PPFIA4: variants seen among roughly 807,000 people sequenced by gnomAD.
The protein encoded by PPFIA4 is PPFI scaffold protein A4.
Under a neutral mutation model 145.7 loss-of-function variants are expected in PPFIA4, and 98 were observed. The ratio of observed to expected loss-of-function variants is 0.67; its 90% CI spans 0.57 to 0.80. The LOEUF is 0.80. PPFIA4 is among the 30% of genes least tolerant of loss of function. The pLI is 0.00. For synonymous variants in PPFIA4, 628 were observed against 649.6 expected, an observed-to-expected ratio of 0.97 and a Z score of 0.51; for missense variants, 1,457 against 1,632.7, an observed-to-expected ratio of 0.89 and a Z score of 1.85.
At chr1:203,037,267 G>GC in intron 1 of PPFIA4, 1 of 226,346 alleles carries the variant, frequency 4.4e-6, no homozygotes, top group Non-Finnish European at 9.8e-6. Context: ...GGCCTGTGCA[G>GC]TGTCTGACCT....
rs921203726 is a variant in PPFIA4, at chr1:203,059,289, G to C, written c.2501+18G>C. 7 of 1,474,420 alleles carry C rather than the reference G, an allele frequency of 4.7e-6. No homozygotes were observed. The African/African-American group carries it at 9.8e-5, about 21-fold the overall frequency. 91.3% of individuals were successfully genotyped at this position (1,474,420 alleles called of 1,614,324 possible). ...AAGAAGAAGTAAGAGCCACAGGCCA[G>C]GGTCTGCCAGGGTGGGGCCCAGCCC... On this transcript the variant is annotated intron_variant, in intron 20 of 29. Transcript: ENST00000295706.
intron 15 of PPFIA4, 31 bp downstream of exon 15, chr1:203,053,992 G>A (rs770390247): frequency 7.7e-6 from 12 of 1,548,720 alleles, no homozygotes; most frequent in Non-Finnish European, 1.0e-5. Context: ...CTTGGGAAGT[G>A]CATTGAAGGG....
intron 1 of PPFIA4, among the ~76,000 whole-genome samples, chr1:203,028,733 G>C (rs1187832061): frequency 6.6e-6 from 1 of 151,952 alleles, no homozygotes; most frequent in Non-Finnish European, 1.5e-5. Flanking sequence ...GACTGAGGGA[G>C]TGAAAGCTGC....
rs1372208750 is a variant in PPFIA4 at position 203,043,543 on chromosome 1, T to C, written c.336+45T>C. Reference sequence around the variant, plus strand: ...TGTCGCGCGCGCGCACGTGTGTGTGTGTGTGTATGGGGGTGTGTTGTGAAC... The same window carrying C: ...TGTCGCGCGCGCGCACGTGTGTGTGCGTGTGTATGGGGGTGTGTTGTGAAC... On this transcript the variant is annotated intron_variant, in intron 3 of 29. Coordinates refer to ENST00000295706, the MANE Select transcript of PPFIA4 (RefSeq NM_001304331.2). The surrounding 1 kb of genome is among the most constrained non-coding windows in gnomAD (Gnocchi z 4.4). 2.0e-6 allele frequency: 3 copies of C among 1,516,894 alleles called. No homozygotes were observed. Among genetic ancestry groups the C allele is most frequent in the African/African-American group, 1.4e-5 (1 of 72,528 alleles). The allele number at this position is 1,516,894 out of a possible 1,614,324, so 94.0% of individuals were successfully genotyped here. A position where few individuals can be genotyped will look rare whatever the true frequency, so the allele number is the denominator to read the frequency against.
chr1:203,065,336 G>A (rs1019057761), intron 25 of PPFIA4, among the ~76,000 whole-genome samples: 1 of 151,776 alleles, frequency 6.6e-6, no homozygotes, highest in African/African-American at 2.4e-5. Flanking sequence ...AAATCAGCTA[G>A]GGCTGAAAAG....
rs914027076 is a variant in PPFIA4 at position 203,075,896 on chromosome 1, C to G, written c.3574+139C>G. The G allele has an allele frequency of 5.6e-6, 5 of 898,574 alleles. No homozygotes were observed. Among genetic ancestry groups the G allele is most frequent in the African/African-American group, 5.3e-5 (3 of 56,588 alleles). 55.7% of individuals were successfully genotyped at this position (898,574 alleles called of 1,614,324 possible). A position where few individuals can be genotyped will look rare whatever the true frequency, so the allele number is the denominator to read the frequency against. On this transcript the variant is annotated intron_variant, in intron 29 of 29. Transcript: ENST00000295706. The surrounding 1 kb of genome is among the most constrained non-coding windows in gnomAD (Gnocchi z 4.1). ...CTCCTGCGCTGCAGCTGCACTAACG[C>G]TCCGCGGGGAGCGTGTGTGCGCACT...
chr1:203,027,597 T>G (rs535243895), intron 1 of PPFIA4, among the ~76,000 whole-genome samples: 1 of 152,252 alleles, frequency 6.6e-6, no homozygotes, highest in South Asian at 2.1e-4. Flanking sequence ...AAGGGTCCCC[T>G]CCAGGAGCCA....
rs1273044046 is a variant in PPFIA4 at position 203,060,762 on chromosome 1, T to C, written c.2785-208T>C. Among the ~76,000 whole-genome samples the C allele has an allele frequency of 6.6e-6, 1 of 152,296 alleles. No individual in the cohort carries two copies. The highest frequency in any genetic ancestry group is 1.9e-4 in the East Asian group (1 of 5,186). On this transcript the variant is annotated intron_variant, in intron 22 of 29. Coordinates refer to ENST00000295706, the MANE Select transcript of PPFIA4 (RefSeq NM_001304331.2). The surrounding 1 kb of genome is among the most constrained non-coding windows in gnomAD (Gnocchi z 4.8). ...AAGGGAAGAGGGCATTTGTGAATAT[T>C]GTCTTGGTCCTCTAACACAAGAATG... is the stretch of plus-strand genomic sequence containing the variant.
At chr1:203,057,503 A>T in intron 19 of PPFIA4, among the ~76,000 whole-genome samples, 1 of 152,240 alleles carries the variant, frequency 6.6e-6, no homozygotes, top group East Asian at 1.9e-4. Context: ...TGTGGTGAGT[A>T]CACGTTAAAT....
chr1:203,039,156 A>G lies in PPFIA4; in HGVS notation c.148A>G (p.Thr50Ala), dbSNP rs1659512749. The G allele has an allele frequency of 1.2e-6, 2 of 1,607,636 alleles. No homozygotes were observed. The highest frequency in any genetic ancestry group is 8.5e-7 in the Non-Finnish European group (1 of 1,177,542). The part of the protein sequence containing the change: ...LLESLRESQE[T>A]LAATQSRLQD... ...GGAGTCTCTTCGGGAGAGTCAGGAG[A>G]CCTTGGCGGCCACACAGAGCCGGCT... The change falls in exon 2 of 30, where the codon ACC becomes GCC. Residue 50 changes from threonine (T) to alanine (A), a missense_variant. By Grantham distance (58) the Thr-to-Ala change is moderately conservative. Transcript: ENST00000295706.
In PPFIA4 at chr1:203,045,425, T is replaced by C. The variant is rs141284764; in HGVS notation, c.724T>C (p.Leu242=). Residue 242 remains leucine, a synonymous_variant, in exon 7 of 30, where the codon TTG becomes CTG. Coordinates refer to ENST00000295706, the MANE Select transcript of PPFIA4 (RefSeq NM_001304331.2). ...QELLEKQNFE[L]SQARERLVTL... is the part of the protein sequence containing the mutation. ...GCTCCTGGAGAAGCAGAACTTTGAGTTGAGCCAGGCCCGGGAGCGACTGGT... is the reference window on the plus strand; with the variant it reads ...GCTCCTGGAGAAGCAGAACTTTGAGCTGAGCCAGGCCCGGGAGCGACTGGT... 9.0e-4 allele frequency: 1,442 copies of C among 1,609,138 alleles called. 16 individuals are homozygous for C. The South Asian group carries it at 0.011, about 12-fold the overall frequency.
At chr1:203,059,634 A>G in intron 20 of PPFIA4, 136 bp from the exon 21 acceptor site, 1 of 718,592 alleles carries the variant, frequency 1.4e-6, no homozygotes, top group Non-Finnish European at 2.5e-6. Flanking sequence ...AAGAAGGAAG[A>G]GCAGAGCAGA....
At chr1:203,051,093 AG>A in intron 13 of PPFIA4, 1 of 973,160 alleles carries the variant, frequency 1.0e-6, no homozygotes, top group Non-Finnish European at 1.2e-6. Context: ...ACAGGGAGGA[AG>A]TATCACTAGG....
Position 203,046,397 on chromosome 1 carries a change from G to T in PPFIA4, c.1140+15G>T, listed in dbSNP as rs758234093. On this transcript the variant is annotated intron_variant, in intron 9 of 29. Coordinates refer to ENST00000295706, the MANE Select transcript of PPFIA4 (RefSeq NM_001304331.2). Reference sequence around the variant, plus strand: ...CCCTCACCAAGGCAAGTGGGCCAGGGGCCTGGGATCTGCCTCTGTCCCCCA... The same window carrying T: ...CCCTCACCAAGGCAAGTGGGCCAGGTGCCTGGGATCTGCCTCTGTCCCCCA... The T allele has an allele frequency of 6.3e-7, 1 of 1,577,742 alleles. No individual in the cohort carries two copies. Among genetic ancestry groups the T allele is most frequent in the Admixed American group, 1.8e-5 (1 of 54,770 alleles).
In PPFIA4 at chr1:203,056,964, TC is replaced by T; in HGVS notation, c.2407+16del. ...CCACAGGCCATGGTCTCTGTCCCCT[TC>T]CTAACGGAGGTCTGGGCGGGCATTG... On this transcript the variant is annotated intron_variant, in intron 19 of 29. Transcript: ENST00000295706. 2 of 1,613,070 alleles carry T rather than the reference TC, an allele frequency of 1.2e-6. No homozygotes were observed. The highest frequency in any genetic ancestry group is 1.7e-6 in the Non-Finnish European group (2 of 1,179,130).
At chr1:203,034,308 G>A (rs1203615752) in intron 1 of PPFIA4, among the ~76,000 whole-genome samples, 1 of 152,186 alleles carries the variant, frequency 6.6e-6, no homozygotes, top group Non-Finnish European at 1.5e-5. Context: ...AGACCTCAGT[G>A]AGCAGGGCTA....
Position 203,068,794 on chromosome 1 carries a change from G to A in PPFIA4, c.3324+166G>A, listed in dbSNP as rs1331032762. On this transcript the variant is annotated intron_variant, in intron 27 of 29. Transcript: ENST00000295706. This position sits in a 1 kb window ranked among gnomAD's most constrained non-coding sequence, Gnocchi z 4.7. ...GTCCTCAATTCTCCAAGTGATCGCT[G>A]TGCATAAGCAAGCCCTCATGGGAAC... Among the ~76,000 whole-genome samples the A allele has an allele frequency of 2.0e-5, 3 of 152,292 alleles. No homozygotes were observed. Among genetic ancestry groups the A allele is most frequent in the Non-Finnish European group, 2.9e-5 (2 of 68,010 alleles).
intron 5 of PPFIA4, 55 bp from the exon 6 acceptor site, chr1:203,044,641 T>C (rs1659935089): frequency 1.3e-6 from 2 of 1,492,302 alleles, no homozygotes; most frequent in African/African-American, 1.4e-5. Context: ...GGGTCTGGAA[T>C]GTATGGGAGG....
intron 17 of PPFIA4, 101 bp from the exon 18 acceptor site, chr1:203,056,274 C>A: frequency 1.3e-6 from 2 of 1,598,334 alleles, no homozygotes; most frequent in Non-Finnish European, 1.7e-6. Context: ...CACCCAGGGC[C>A]TCCCCACTGC....
Sources: gnomAD v4.1 joint callset for allele counts (sites outside exome capture counted in the v4.1 genomes callset) on GRCh38, gnomAD v4.1.1 for gene constraint, Gnocchi (gnomAD v3.1) non-coding constraint, MANE v1.5 for transcripts, NCBI Gene and HGNC (gene_info 2026-07-23, HGNC 2026-07-21) for gene names.